The following LSAMP variants were observed in gnomAD, a reference collection of about 807,000 sequenced individuals.
LSAMP encodes limbic system associated membrane protein.
LSAMP carries 7 observed loss-of-function variants against 38.6 expected under a neutral mutation model. That is an observed-to-expected ratio of 0.18 (90% CI 0.10 to 0.34). The LOEUF is 0.34. Among genes scored for constraint, LSAMP ranks in the 10% least tolerant of loss-of-function variants. The probability of loss-of-function intolerance (pLI) is 1.00; values close to 1 mark genes in which losing one functional copy is unlikely to be tolerated. For missense variants in LSAMP, 313 were observed against 420.0 expected (o/e 0.75, Z 2.23); for synonymous variants, 154 against 166.8 (o/e 0.92, Z 0.59).
intron 3 of LSAMP, among the ~76,000 whole-genome samples, chr3:115,856,816 T>C (rs1935522566): frequency 6.6e-6 from 1 of 152,166 alleles, no homozygotes; most frequent in South Asian, 2.1e-4. Context: ...GTTTATAAGC[T>C]ACCCAGTCTA....
chr3:116,270,709 A>G (rs937319567), intron 1 of LSAMP, among the ~76,000 whole-genome samples: 4 of 152,110 alleles, frequency 2.6e-5, no homozygotes, highest in African/African-American at 9.7e-5. Flanking sequence ...TTCAGCTGTA[A>G]CTTTTCTAAG....
chr3:116,386,420 C>CTGCT (rs1180925806), intron 1 of LSAMP, among the ~76,000 whole-genome samples: 1 of 152,166 alleles, frequency 6.6e-6, no homozygotes, highest in African/African-American at 2.4e-5. Context: ...GCCAGTCTTA[C>CTGCT]TGCTCACTAA....
rs557101545 is a variant in LSAMP, at chr3:116,280,893, T to A, written c.155+163984A>T. ...TAGTTTTTTTCTGACATAACACCCA[T>A]CTAATGAGTAAAAGAAATGATTCTA... On this transcript the variant is annotated intron_variant, in intron 1 of 6. Transcript: ENST00000490035. Among the ~76,000 whole-genome samples the A allele has an allele frequency of 2.6e-5, 4 of 151,660 alleles. 1 individual carries two copies. Among genetic ancestry groups the A allele is most frequent in the South Asian group, 4.2e-4 (2 of 4,798 alleles).
chr3:116,077,328 C>A (rs1707766833), intron 2 of LSAMP, among the ~76,000 whole-genome samples: 2 of 151,820 alleles, frequency 1.3e-5, no homozygotes, highest in African/African-American at 4.8e-5. Flanking sequence ...AGAAATAAAT[C>A]ATCTATACTT....
chr3:116,347,558 C>A (rs2048079892), intron 1 of LSAMP, among the ~76,000 whole-genome samples: 1 of 152,270 alleles, frequency 6.6e-6, no homozygotes, highest in South Asian at 2.1e-4. Context: ...TCCCCCAACC[C>A]ACCCCATTTT....
rs528924845 is a variant in LSAMP, at chr3:115,803,374, A to G, written c.*6943T>C. 1 of 152,334 alleles carries G rather than the reference A, an allele frequency of 6.6e-6. No homozygotes were observed. Among genetic ancestry groups the G allele is most frequent in the African/African-American group, 2.4e-5 (1 of 41,584 alleles). The allele number at this position is 152,334 out of a possible 1,614,324, so 9.4% of individuals were successfully genotyped here. On this transcript the variant is annotated 3_prime_UTR_variant, in exon 7 of 7. Coordinates refer to ENST00000490035, the MANE Select transcript of LSAMP (RefSeq NM_002338.5). ...TGCCTTCTGTTCTTTCAGACAATAA[A>G]ATCAAAGGACAACTTTGGATAGATG...
intron 1 of LSAMP, among the ~76,000 whole-genome samples, chr3:116,372,874 A>AAC (rs1210041387): frequency 6.6e-6 from 1 of 151,280 alleles, no homozygotes; most frequent in African/African-American, 2.4e-5. Context: ...TTAAAAAAAA[A>AAC]AAAACAGAAT....
intron 1 of LSAMP, among the ~76,000 whole-genome samples, chr3:116,113,636 A>G (rs999393084): frequency 2.0e-5 from 3 of 151,438 alleles, no homozygotes; most frequent in East Asian, 1.9e-4. Flanking sequence ...TGTTTTAGCC[A>G]GGATGGTCTC....
intron 1 of LSAMP, among the ~76,000 whole-genome samples, chr3:116,208,758 C>G (rs2046106643): frequency 6.6e-6 from 1 of 152,146 alleles, no homozygotes; most frequent in Admixed American, 6.5e-5. Context: ...GTCTGCTGTT[C>G]TCAGATCTCC....
intron 1 of LSAMP, among the ~76,000 whole-genome samples, chr3:116,210,453 A>T (rs1200318450): frequency 1.3e-5 from 2 of 152,186 alleles, no homozygotes; most frequent in African/African-American, 2.4e-5. Context: ...TACCTTGAAC[A>T]TCAGACGGCA....
chr3:115,828,291 G>A (rs368527457), intron 6 of LSAMP, among the ~76,000 whole-genome samples: 56 of 152,240 alleles, frequency 3.7e-4, no homozygotes, highest in Middle Eastern at 3.4e-3. Context: ...GTCAGGGGCT[G>A]GTACTATCTC....
chr3:116,033,972 A>G (rs1211001372), intron 2 of LSAMP, among the ~76,000 whole-genome samples: 1 of 152,062 alleles, frequency 6.6e-6, no homozygotes, highest in Non-Finnish European at 1.5e-5. Context: ...GCTTTTCCAT[A>G]GGGTCTGGGC....
chr3:116,034,686 G>A (rs1207869068), intron 2 of LSAMP, among the ~76,000 whole-genome samples: 1 of 152,056 alleles, frequency 6.6e-6, no homozygotes, highest in Non-Finnish European at 1.5e-5. Flanking sequence ...TAATTATACA[G>A]CCATCACATT....
intron 1 of LSAMP, among the ~76,000 whole-genome samples, chr3:116,195,626 T>G (rs534677478): frequency 6.6e-6 from 1 of 152,054 alleles, no homozygotes; most frequent in South Asian, 2.1e-4. Context: ...TAGCACATAC[T>G]TAGTCAGTTT....
chr3:115,862,567 A>G (rs556099055), intron 3 of LSAMP, among the ~76,000 whole-genome samples: 1 of 152,340 alleles, frequency 6.6e-6, no homozygotes, highest in South Asian at 2.1e-4. Flanking sequence ...CTTAAAGTCA[A>G]TACATAAGTA....
At chr3:116,254,189 T>A (rs1269538434) in intron 1 of LSAMP, among the ~76,000 whole-genome samples, 1 of 152,136 alleles carries the variant, frequency 6.6e-6, no homozygotes, top group East Asian at 1.9e-4. Context: ...TAAAAAATGA[T>A]CTGTTGATTA....
At chr3:116,305,109 A>G (rs1263390180) in intron 1 of LSAMP, among the ~76,000 whole-genome samples, 2 of 152,126 alleles carry the variant, frequency 1.3e-5, no homozygotes, top group Non-Finnish European at 2.9e-5. Flanking sequence ...TTGAGTGCAT[A>G]GCTCCAATAT....
intron 1 of LSAMP, among the ~76,000 whole-genome samples, chr3:116,295,325 A>C (rs555715892): frequency 6.6e-6 from 1 of 152,288 alleles, no homozygotes; most frequent in African/African-American, 2.4e-5. Flanking sequence ...CCTTGGCCTT[A>C]TGACTCTCCA....
At chr3:116,238,929 C>T (rs1326063490) in intron 1 of LSAMP, among the ~76,000 whole-genome samples, 1 of 151,940 alleles carries the variant, frequency 6.6e-6, no homozygotes, top group Non-Finnish European at 1.5e-5. Flanking sequence ...TATTTTTCCC[C>T]TCACCCCATG....
Sources: allele counts gnomAD v4.1 joint callset (sites outside exome capture counted in the v4.1 genomes callset), GRCh38; gene constraint gnomAD v4.1.1; transcripts MANE v1.5; gene names NCBI Gene and HGNC (gene_info 2026-07-23, HGNC 2026-07-21).